Variants in SNCG observed in about 807,000 individuals in gnomAD.
SNCG encodes gamma-synuclein.
SNCG carries 13 observed loss-of-function variants against 16.0 expected under a neutral mutation model. The observed-to-expected ratio is 0.81, with a 90% CI of 0.53 to 1.29. The LOEUF is 1.29. SNCG is among the 50% of genes most tolerant of loss of function. The probability of loss-of-function intolerance (pLI) is 0.00; values close to 1 mark genes in which losing one functional copy is unlikely to be tolerated. For missense variants in SNCG, 154 were observed against 168.5 expected, an observed-to-expected ratio of 0.91 and a Z score of 0.48; for synonymous variants, 66 against 66.3, an observed-to-expected ratio of 1.00 and a Z score of 0.02.
upstream of SNCG, chr10:86,958,241 C>T: frequency 1.0e-6 from 1 of 968,622 alleles, no homozygotes; most frequent in Non-Finnish European, 1.2e-6. Flanking sequence ...GGGACAATGG[C>T]CAAGGCGCCT....
Position 86,959,932 on chromosome 10 carries a change from G to A in SNCG, c.164-69G>A, listed in dbSNP as rs560269846. 499 of 1,548,156 alleles carry A rather than the reference G, an allele frequency of 3.2e-4. 1 individual carries two copies. In the African/African-American group the frequency reaches 5.8e-3, roughly 18 times the overall value. Reference sequence around the variant, plus strand: ...CTCTGAGCTCCTGGGAAGGGGCTGCGAGCCTGACTCCAGCAGGCCTGCCTT... The same window carrying A: ...CTCTGAGCTCCTGGGAAGGGGCTGCAAGCCTGACTCCAGCAGGCCTGCCTT... On this transcript the variant is annotated intron_variant, in intron 2 of 4. Transcript: ENST00000372017. This position sits in a 1 kb window ranked among gnomAD's most constrained non-coding sequence, Gnocchi z 4.3.
At chr10:86,957,806 G>A, upstream of SNCG, 3 of 1,262,466 alleles carry the variant, frequency 2.4e-6, no homozygotes, top group East Asian at 7.1e-5. Flanking sequence ...TGGTAGACAT[G>A]GGGTGGCCCC....
intron 3 of SNCG, among the ~76,000 whole-genome samples, chr10:86,961,385 T>G (rs1311009788): frequency 2.0e-5 from 3 of 152,020 alleles, no homozygotes; most frequent in Admixed American, 2.0e-4. Flanking sequence ...GGCAGGGCCA[T>G]GACCTCCATG....
Position 86,963,243 on chromosome 10 carries a change from A to G in SNCG, c.*258A>G. ...TTTTTTTTAAATGATTCCAAATAAA[A>G]CTTGAGCCCACTCCTGCCATGCTTC... is the stretch of plus-strand genomic sequence containing the variant. On this transcript the variant is annotated 3_prime_UTR_variant, in exon 5 of 5. Transcript: ENST00000372017. 2.4e-6 allele frequency: 1 copy of G among 408,642 alleles called. No individual in the cohort carries two copies. Among genetic ancestry groups the G allele is most frequent in the South Asian group, 6.9e-5 (1 of 14,464 alleles). 25.3% of individuals were successfully genotyped at this position (408,642 alleles called of 1,614,324 possible).
chr10:86,960,245 C>G, intron 3 of SNCG, 117 bp downstream of exon 3: 1 of 1,064,576 alleles, frequency 9.4e-7, no homozygotes, highest in Admixed American at 2.6e-5. Context: ...CTGCGGCTGG[C>G]TTCAGTTTCA....
upstream of SNCG, among the ~76,000 whole-genome samples, chr10:86,956,295 G>T (rs1844226903): frequency 6.6e-6 from 1 of 152,116 alleles, no homozygotes; most frequent in Non-Finnish European, 1.5e-5. Context: ...TCACTAAGGG[G>T]CCTCTTGCCC....
At chr10:86,955,975 A>T (rs754223797), upstream of SNCG, among the ~76,000 whole-genome samples, 23 of 152,216 alleles carry the variant, frequency 1.5e-4, 1 homozygote, top group Middle Eastern at 0.01. Flanking sequence ...TCTCTCCCAC[A>T]ACCAAGGGGG....
Position 86,960,077 on chromosome 10 carries a change from G to C in SNCG, c.240G>C (p.Lys80Asn). 6.2e-7 allele frequency: 1 copy of C among 1,613,426 alleles called. No individual in the cohort carries two copies. Among genetic ancestry groups the C allele is most frequent in the Non-Finnish European group, 8.5e-7 (1 of 1,179,860 alleles). Residue 80 changes from lysine (K) to asparagine (N), a missense_variant, in exon 3 of 5, where the codon AAG (lysine) becomes AAC (asparagine). Transcript: ENST00000372017. The part of the protein sequence containing the change: ...VVSSVNTVAT[K>N]TVEEAENIAV... ...GCAGCGTCAACACTGTGGCCACCAA[G>C]ACCGTGGAGGAGGCGGAGAACATCG...
intron 3 of SNCG, 134 bp from the exon 4 acceptor site, chr10:86,962,470 C>T (rs1844370343): frequency 1.6e-6 from 1 of 610,116 alleles, no homozygotes. Context: ...TACCTCCAGC[C>T]CCTCCAAGTA....
Position 86,962,452 on chromosome 10 carries a change from G to A in SNCG, c.292-152G>A, listed in dbSNP as rs73353640. 2,174 of 535,670 alleles carry A rather than the reference G, an allele frequency of 4.1e-3. 40 individuals carry two copies. Among genetic ancestry groups the A allele is most frequent in the African/African-American group, 0.037 (1,965 of 52,730 alleles). 33.2% of individuals were successfully genotyped at this position (535,670 alleles called of 1,614,324 possible). ...GCCCCGGGTATTGTCTGAATTGCAC[G>A]CCCCCAATACCTCCAGCCCCTCCAA... On this transcript the variant is annotated intron_variant, in intron 3 of 4. Coordinates refer to ENST00000372017, the MANE Select transcript of SNCG (RefSeq NM_003087.3).
rs1362179077 is a variant in SNCG at position 86,958,672 on chromosome 10, C to T, written c.-26C>T. ...GGGAGATCCAGCTCCGTCCTGCCTG[C>T]AGCAGCACAACCCTGCACACCCACC... On this transcript the variant is annotated 5_prime_UTR_variant, in exon 1 of 5. Coordinates refer to ENST00000372017, the MANE Select transcript of SNCG (RefSeq NM_003087.3). 1.2e-6 allele frequency: 2 copies of T among 1,613,486 alleles called. No homozygotes were observed. Among genetic ancestry groups the T allele is most frequent in the Non-Finnish European group, 8.5e-7 (1 of 1,179,880 alleles).
chr10:86,960,817 C>T (rs1449114662), intron 3 of SNCG, among the ~76,000 whole-genome samples: 1 of 152,212 alleles, frequency 6.6e-6, no homozygotes, highest in Non-Finnish European at 1.5e-5. Flanking sequence ...GCTGTCCCAG[C>T]ACCTGTGACA....
chr10:86,960,208 C>A, intron 3 of SNCG, 80 bp downstream of exon 3: 1 of 1,387,598 alleles, frequency 7.2e-7, no homozygotes, highest in South Asian at 1.3e-5. Flanking sequence ...TCACTCCACT[C>A]CACACCCCAG....
At chr10:86,956,580 ACT>A (rs1485737610), upstream of SNCG, among the ~76,000 whole-genome samples, 1 of 152,172 alleles carries the variant, frequency 6.6e-6, no homozygotes, top group Non-Finnish European at 1.5e-5. Flanking sequence ...CTGAAGTCAA[ACT>A]CAGATCCTGC....
At position 86,960,100 on chromosome 10, in the gene SNCG, T is replaced by C; in HGVS notation, c.263T>C (p.Ile88Thr). 1 of 1,613,106 alleles carries C rather than the reference T, an allele frequency of 6.2e-7. No individual in the cohort carries two copies. The highest frequency in any genetic ancestry group is 1.1e-5 in the South Asian group (1 of 90,982). ...AAGACCGTGGAGGAGGCGGAGAACA[T>C]CGCGGTCACCTCCGGGGTGGTGCGC... ...ATKTVEEAEN[I>T]AVTSGVVRKE... The change falls in exon 3 of 5, where the codon ATC (isoleucine) becomes ACC (threonine). Residue 88 changes from isoleucine (I) to threonine (T), a missense_variant. Transcript: ENST00000372017.
chr10:86,960,182 C>T, intron 3 of SNCG, 54 bp downstream of exon 3: 2 of 1,552,242 alleles, frequency 1.3e-6, no homozygotes, highest in Non-Finnish European at 1.8e-6. Flanking sequence ...AGAAAGGCTG[C>T]TGGGCGGAGG....
chr10:86,963,144 C>A lies in SNCG; in HGVS notation c.*159C>A. Reference sequence around the variant, plus strand: ...CTTGGCCTGTCCACCTGTGCTGCTGCACCAACCTCACTGCCCTCCCTCGGC... The same window carrying A: ...CTTGGCCTGTCCACCTGTGCTGCTGAACCAACCTCACTGCCCTCCCTCGGC... On this transcript the variant is annotated 3_prime_UTR_variant, in exon 5 of 5. Coordinates refer to ENST00000372017, the MANE Select transcript of SNCG (RefSeq NM_003087.3). 1.7e-6 allele frequency: 1 copy of A among 580,932 alleles called. No homozygotes were observed. The highest frequency in any genetic ancestry group is 2.9e-6 in the Non-Finnish European group (1 of 347,886). The allele number at this position is 580,932 out of a possible 1,614,324, so 36.0% of individuals were successfully genotyped here.
rs1183134672 is a variant in SNCG at position 86,958,773 on chromosome 10, G to T, written c.76G>T (p.Val26Leu). 1.2e-6 allele frequency: 2 copies of T among 1,613,498 alleles called. No individual in the cohort carries two copies. The highest frequency in any genetic ancestry group is 1.7e-5 in the Admixed American group (1 of 59,952). The part of the protein sequence containing the change: ...VGAVEKTKQG[V>L]TEAAEKTKEG... ...TGCGGTGGAAAAGACCAAGCAGGGG[G>T]TGACGGAAGCAGCTGAGAAGACCAA... The change falls in exon 1 of 5, where the codon GTG becomes TTG. Residue 26 changes from valine to leucine, a missense_variant. Transcript: ENST00000372017.
At chr10:86,957,396 C>T (rs573069934), upstream of SNCG, 2 of 1,613,404 alleles carry the variant, frequency 1.2e-6, no homozygotes, top group Admixed American at 3.3e-5. Context: ...GGGGTCCTTG[C>T]CGGTGTCCTC....
Sources: allele counts gnomAD v4.1 joint callset (sites outside exome capture counted in the v4.1 genomes callset), GRCh38; gene constraint gnomAD v4.1.1; non-coding constraint Gnocchi (gnomAD v3.1); transcripts MANE v1.5; gene names NCBI Gene and HGNC (gene_info 2026-07-23, HGNC 2026-07-21).